The following SGK1 variants were observed in gnomAD, a reference collection of about 807,000 sequenced individuals.
The protein encoded by SGK1 is serine/threonine-protein kinase Sgk1.
In SGK1, 26 loss-of-function variants were observed where a neutral mutation model predicts 64.2. That is an observed-to-expected ratio of 0.40 (90% CI 0.30 to 0.56). SGK1 has a LOEUF of 0.56. Among genes scored for constraint, SGK1 ranks in the 20% least tolerant of loss-of-function variants. The probability of loss-of-function intolerance (pLI) is 0.38; values close to 1 mark genes in which losing one functional copy is unlikely to be tolerated. For synonymous variants in SGK1, 265 were observed against 239.7 expected (o/e 1.11, Z -0.98); for missense variants, 519 against 645.6 (o/e 0.80, Z 2.12).
chr6:134,170,784 C>G (rs1582678733), intron 13 of SGK1, 42 bp downstream of exon 13: 1 of 1,262,698 alleles, frequency 7.9e-7, no homozygotes, highest in Non-Finnish European at 1.1e-6. Flanking sequence ...AAATAAATGC[C>G]CTTTGGGCTT....
chr6:134,192,603 CT>C, intron 3 of SGK1, among the ~76,000 whole-genome samples: 1 of 151,308 alleles, frequency 6.6e-6, no homozygotes, highest in African/African-American at 2.4e-5. Context: ...TCCATCCCCC[CT>C]CCCCCCATTC....
intron 1 of SGK1, among the ~76,000 whole-genome samples, chr6:134,285,254 A>G (rs1267159188): frequency 6.6e-6 from 1 of 152,132 alleles, no homozygotes; most frequent in Non-Finnish European, 1.5e-5. Context: ...AGGTCGGCAG[A>G]TTGCCTGAGG....
chr6:134,303,794 AAAAAGAAAAG>A (rs71545100), intron 1 of SGK1, among the ~76,000 whole-genome samples: 2 of 150,354 alleles, frequency 1.3e-5, no homozygotes. Context: ...CAAGAAAAAA[AAAAAGAAAAG>A]AAAAGAAAAG....
intron 2 of SGK1, chr6:134,215,134 C>CTTTCTTT (rs569795606): frequency 0.02 from 7,752 of 390,426 alleles, 6 homozygotes; most frequent in South Asian, 0.033. Context: ...TTCTTTCTTT[C>CTTTCTTT]TTTTTTTTTT....
chr6:134,215,166 A>G (rs1775959556), intron 2 of SGK1: 6 of 413,432 alleles, frequency 1.5e-5, no homozygotes, highest in South Asian at 1.0e-4. Flanking sequence ...TTTGTTGCCC[A>G]GGCTGGAGTA....
At chr6:134,205,501 C>CCT (rs1006592278) in intron 3 of SGK1, among the ~76,000 whole-genome samples, 1 of 151,692 alleles carries the variant, frequency 6.6e-6, no homozygotes, top group Non-Finnish European at 1.5e-5. Context: ...ATAGGCACAG[C>CCT]CTCTGACTCC....
chr6:134,225,522 G>T (rs1776161729), intron 2 of SGK1, among the ~76,000 whole-genome samples: 1 of 152,024 alleles, frequency 6.6e-6, no homozygotes, highest in South Asian at 2.1e-4. Flanking sequence ...CTGCTATTGA[G>T]GTTTCCCTAG....
intron 3 of SGK1, among the ~76,000 whole-genome samples, chr6:134,203,934 T>C (rs1775725932): frequency 6.6e-6 from 1 of 151,898 alleles, no homozygotes; most frequent in Non-Finnish European, 1.5e-5. Context: ...AGTGATGGCA[T>C]GTGCCTGTAA....
rs185502497 is a variant in SGK1 at position 134,209,359 on chromosome 6, G to A, written c.286-1928C>T. Among the ~76,000 whole-genome samples, 95 of 152,156 alleles carry A rather than the reference G, an allele frequency of 6.2e-4. 1 individual carries two copies. The highest frequency in any genetic ancestry group is 2.1e-3 in the African/African-American group (88 of 41,512). ...TGAGGCAGGAGAATCGCTTGAACCCGGGAGGCAGAGGCCGCAGTGAGCTGA... is the reference window on the plus strand; with the variant it reads ...TGAGGCAGGAGAATCGCTTGAACCCAGGAGGCAGAGGCCGCAGTGAGCTGA... On this transcript the variant is annotated intron_variant, in intron 2 of 13. Transcript: ENST00000367858.
At chr6:134,211,297 TG>T (rs992781328) in intron 2 of SGK1, among the ~76,000 whole-genome samples, 3 of 152,192 alleles carry the variant, frequency 2.0e-5, no homozygotes, top group African/African-American at 7.2e-5. Flanking sequence ...AATTTTTTTT[TG>T]TAATTGTAAT....
chr6:134,188,735 G>A (rs1027568817), intron 3 of SGK1, among the ~76,000 whole-genome samples: 1 of 151,502 alleles, frequency 6.6e-6, no homozygotes, highest in African/African-American at 2.4e-5. Flanking sequence ...ACCACGCCTG[G>A]CCAACTTTTT....
At chr6:134,177,234 A>G (rs1775256831) in intron 3 of SGK1, among the ~76,000 whole-genome samples, 1 of 109,752 alleles carries the variant, frequency 9.1e-6, no homozygotes, top group Admixed American at 8.2e-5. Context: ...ACAAACAAAA[A>G]CAAAACAAAA....
intron 1 of SGK1, among the ~76,000 whole-genome samples, chr6:134,286,192 T>C (rs140334118): frequency 6.6e-5 from 10 of 152,380 alleles, no homozygotes; most frequent in Admixed American, 3.9e-4. Flanking sequence ...TTAGAAGTTA[T>C]ATTAAAGTAG....
intron 10 of SGK1, 52 bp from the exon 11 acceptor site, chr6:134,171,784 C>A: frequency 8.6e-7 from 1 of 1,160,420 alleles, no homozygotes; most frequent in South Asian, 1.3e-5. Context: ...AGCAAGCAAT[C>A]CCACGACCAC....
intron 1 of SGK1, among the ~76,000 whole-genome samples, chr6:134,263,987 C>T (rs1431891221): frequency 6.6e-6 from 1 of 152,136 alleles, no homozygotes; most frequent in East Asian, 1.9e-4. Flanking sequence ...TTTTCAATCC[C>T]ATTATACAGA....
intron 3 of SGK1, among the ~76,000 whole-genome samples, chr6:134,181,198 C>T (rs1032605731): frequency 5.3e-5 from 8 of 152,192 alleles, no homozygotes; most frequent in Non-Finnish European, 1.0e-4. Flanking sequence ...CTCTCTTTCA[C>T]CCCCACTTTA....
chr6:134,196,746 G>C (rs558862312), intron 3 of SGK1, among the ~76,000 whole-genome samples: 1 of 152,310 alleles, frequency 6.6e-6, no homozygotes, highest in Admixed American at 6.5e-5. Flanking sequence ...TTAAAACTTC[G>C]AGTTGAAGTA....
At chr6:134,170,947 C>CA in intron 12 of SGK1, 32 bp from the exon 13 acceptor site, 2 of 1,605,932 alleles carry the variant, frequency 1.2e-6, no homozygotes, top group Non-Finnish European at 1.7e-6. Context: ...TTAATTTAGA[C>CA]AGGTGCATTC....
chr6:134,177,830 C>G (rs758531972), intron 3 of SGK1: 26 of 1,609,900 alleles, frequency 1.6e-5, no homozygotes, highest in Non-Finnish European at 2.2e-5. Flanking sequence ...CATGAGAGCA[C>G]GAGCCAGAGA....
Sources: gnomAD v4.1 joint callset for allele counts (sites outside exome capture counted in the v4.1 genomes callset) on GRCh38, gnomAD v4.1.1 for gene constraint, MANE v1.5 for transcripts, NCBI Gene and HGNC (gene_info 2026-07-23, HGNC 2026-07-21) for gene names.